LZTS1: variants seen among roughly 807,000 people sequenced by gnomAD.
LZTS1 encodes leucine zipper tumor suppressor 1, also known as leucine zipper putative tumor suppressor 1.
A neutral mutation model predicts 45.8 loss-of-function variants in LZTS1; 31 were observed. The ratio of observed to expected loss-of-function variants is 0.68; its 90% CI spans 0.51 to 0.91. The LOEUF is 0.91. Among genes scored for constraint, LZTS1 ranks in the 40% least tolerant of loss-of-function variants. The pLI, the probability that LZTS1 is intolerant of heterozygous loss-of-function variation, is 0.00. For missense variants in LZTS1, 821 were observed against 788.9 expected, an observed-to-expected ratio of 1.04 and a Z score of -0.49; for synonymous variants, 359 against 357.3, an observed-to-expected ratio of 1.00 and a Z score of -0.05.
At chr8:20,291,013 A>G (rs1420918158) in intron 1 of LZTS1, among the ~76,000 whole-genome samples, 1 of 151,816 alleles carries the variant, frequency 6.6e-6, no homozygotes, top group East Asian at 1.9e-4. Context: ...CAGCTCCTCC[A>G]CTCCTGCACC....
intron 3 of LZTS1, among the ~76,000 whole-genome samples, chr8:20,251,967 C>T (rs1198771561): frequency 1.3e-5 from 2 of 152,010 alleles, no homozygotes; most frequent in African/African-American, 4.8e-5. Context: ...CAGGGGTTTG[C>T]GTGTAGACTG....
intron 1 of LZTS1, among the ~76,000 whole-genome samples, chr8:20,300,692 A>T (rs1424061203): frequency 6.6e-6 from 1 of 152,172 alleles, no homozygotes; most frequent in East Asian, 1.9e-4. Flanking sequence ...GGAGTTTTGT[A>T]GACTCCTCAG....
At chr8:20,258,453 G>A (rs1800156512) in intron 1 of LZTS1, among the ~76,000 whole-genome samples, 1 of 152,108 alleles carries the variant, frequency 6.6e-6, no homozygotes, top group Non-Finnish European at 1.5e-5. Flanking sequence ...TCTAGGCTTC[G>A]ATTCAAACTT....
chr8:20,254,976 T>C lies in LZTS1; in HGVS notation c.206A>G (p.Lys69Arg). Residue 69 changes from lysine to arginine, a missense_variant, in exon 2 of 4, where the codon AAG becomes AGG. Coordinates refer to ENST00000381569, the MANE Select transcript of LZTS1 (RefSeq NM_021020.5). ...MGKSEDFFYI[K>R]VSQKARGSHH... ...GGAGCCCCGGGCTTTCTGGCTGACC[T>C]TGATGTAGAAGAAGTCTTCGCTCTT... The C allele has an allele frequency of 6.2e-7, 1 of 1,614,168 alleles. No individual in the cohort carries two copies. The highest frequency in any genetic ancestry group is 8.5e-7 in the Non-Finnish European group (1 of 1,180,038).
intron 1 of LZTS1, among the ~76,000 whole-genome samples, chr8:20,282,722 C>A (rs1800717739): frequency 6.6e-6 from 1 of 152,210 alleles, no homozygotes; most frequent in African/African-American, 2.4e-5. Flanking sequence ...ACTCACTCCC[C>A]TTTTCCACCA....
intron 1 of LZTS1, among the ~76,000 whole-genome samples, chr8:20,281,441 T>C (rs1041699018): frequency 4.0e-5 from 6 of 150,470 alleles, no homozygotes; most frequent in African/African-American, 1.5e-4. Flanking sequence ...CGCATTGTGG[T>C]GGGCACCTGT....
At chr8:20,298,759 G>T (rs1299659384) in intron 1 of LZTS1, among the ~76,000 whole-genome samples, 2 of 152,060 alleles carry the variant, frequency 1.3e-5, no homozygotes, top group Admixed American at 1.3e-4. Flanking sequence ...AGCTACTTGG[G>T]AGTCTGAGGA....
chr8:20,260,523 A>G (rs1053872846), intron 1 of LZTS1, among the ~76,000 whole-genome samples: 2 of 152,116 alleles, frequency 1.3e-5, no homozygotes, highest in African/African-American at 4.8e-5. Context: ...GCAATTGGGG[A>G]CTGTAGGTGA....
chr8:20,295,022 A>T (rs59838171), intron 1 of LZTS1, among the ~76,000 whole-genome samples: 4,179 of 152,052 alleles, frequency 0.027, 210 homozygotes, highest in African/African-American at 0.095. Context: ...GGGCCCCAAG[A>T]GGTCCCAAGC....
chr8:20,285,947 G>C (rs1800785285), intron 1 of LZTS1, among the ~76,000 whole-genome samples: 1 of 152,180 alleles, frequency 6.6e-6, no homozygotes, highest in Non-Finnish European at 1.5e-5. Flanking sequence ...GGGTCAACCA[G>C]GATCCATTGA....
Position 20,249,855 on chromosome 8 carries a change from A to G in LZTS1, c.1658T>C (p.Met553Thr), listed in dbSNP as rs1799837597. The change falls in exon 4 of 4, where the codon ATG (methionine) becomes ACG (threonine). Residue 553 changes from methionine to threonine, a missense_variant. Coordinates refer to ENST00000381569, the MANE Select transcript of LZTS1 (RefSeq NM_021020.5). ...CTCCAGGCGCTGGTTCCGCTGGTAC[A>G]TGGCCACGTAGCTCTGCTGCAGCTG... ...QKQLQQSYVA[M>T]YQRNQRLEKA... is the part of the protein sequence containing the mutation. 1.9e-6 allele frequency: 3 copies of G among 1,614,160 alleles called. No homozygotes were observed. The highest frequency in any genetic ancestry group is 1.1e-5 in the South Asian group (1 of 91,078).
chr8:20,274,969 G>GTGTGTGTGTA (rs1554553689), intron 1 of LZTS1, among the ~76,000 whole-genome samples: 2 of 151,328 alleles, frequency 1.3e-5, no homozygotes, highest in Non-Finnish European at 2.9e-5. Context: ...TACTGTGTGT[G>GTGTGTGTGTA]TGTGTGTGTG....
At chr8:20,290,958 G>T (rs978290597) in intron 1 of LZTS1, among the ~76,000 whole-genome samples, 3 of 152,156 alleles carry the variant, frequency 2.0e-5, no homozygotes, top group African/African-American at 7.2e-5. Flanking sequence ...CCCGAGGGAG[G>T]ACAGAAGCCC....
intron 1 of LZTS1, among the ~76,000 whole-genome samples, chr8:20,282,955 T>C (rs1800721937): frequency 2.6e-5 from 4 of 152,128 alleles, no homozygotes; most frequent in Admixed American, 2.6e-4. Context: ...TAGAATTCTT[T>C]GAATAGAATA....
chr8:20,294,394 C>T (rs890578893), intron 1 of LZTS1, among the ~76,000 whole-genome samples: 4 of 152,238 alleles, frequency 2.6e-5, no homozygotes, highest in East Asian at 3.8e-4. Context: ...AGCCTTTGAG[C>T]AGGGCCAGCT....
chr8:20,285,974 G>T (rs2128898054), intron 1 of LZTS1, among the ~76,000 whole-genome samples: 1 of 152,280 alleles, frequency 6.6e-6, no homozygotes, highest in South Asian at 2.1e-4. Flanking sequence ...AGTAAATATT[G>T]ACTCCTACTT....
chr8:20,297,534 C>T (rs1325963003), intron 1 of LZTS1, among the ~76,000 whole-genome samples: 1 of 152,142 alleles, frequency 6.6e-6, no homozygotes, highest in Non-Finnish European at 1.5e-5. Flanking sequence ...CCCGCCTCAG[C>T]CTCCTGAGTA....
At chr8:20,280,777 C>T (rs145204874) in intron 1 of LZTS1, among the ~76,000 whole-genome samples, 1 of 152,164 alleles carries the variant, frequency 6.6e-6, no homozygotes, top group Non-Finnish European at 1.5e-5. Context: ...CTCCTCCCAT[C>T]CTTCCTCCTT....
chr8:20,303,138 G>A (rs990087307), intron 1 of LZTS1, among the ~76,000 whole-genome samples: 2 of 152,144 alleles, frequency 1.3e-5, no homozygotes, highest in African/African-American at 4.8e-5. Flanking sequence ...CCAGGAAGCT[G>A]CAGCCCCAGG....
Sources: gnomAD v4.1 joint callset for allele counts (sites outside exome capture counted in the v4.1 genomes callset) on GRCh38, gnomAD v4.1.1 for gene constraint, MANE v1.5 for transcripts, NCBI Gene and HGNC (gene_info 2026-07-23, HGNC 2026-07-21) for gene names.